HSPBP1: variants seen among roughly 807,000 people sequenced by gnomAD.
The protein encoded by HSPBP1 is hsp70-binding protein 1.
In HSPBP1, 31 loss-of-function variants were observed where a neutral mutation model predicts 41.7. That is an observed-to-expected ratio of 0.74 (90% CI 0.56 to 1.00). HSPBP1 has a LOEUF of 1.00. Among genes scored for constraint, HSPBP1 ranks in the 50% least tolerant of loss-of-function variants. The probability of loss-of-function intolerance (pLI) is 0.00; values close to 1 mark genes in which losing one functional copy is unlikely to be tolerated. For missense variants in HSPBP1, 439 were observed against 487.9 expected (o/e 0.90, Z 0.94); for synonymous variants, 199 against 214.4 (o/e 0.93, Z 0.63).
intron 4 of HSPBP1, among the ~76,000 whole-genome samples, chr19:55,271,845 G>A (rs1433788301): frequency 6.6e-6 from 1 of 152,102 alleles, no homozygotes; most frequent in Non-Finnish European, 1.5e-5. Context: ...ACCTGAGGTC[G>A]GGGGTTTGAG....
chr19:55,272,184 A>C lies in HSPBP1; in HGVS notation c.640+2214T>G, dbSNP rs10411896. On this transcript the variant is annotated intron_variant, in intron 4 of 7. Coordinates refer to ENST00000433386, the MANE Select transcript of HSPBP1 (RefSeq NM_012267.5). This position sits in a 1 kb window ranked among gnomAD's most constrained non-coding sequence, Gnocchi z 4.2. Reference sequence around the variant, plus strand: ...AGAGAACGGAAAACAAATGTCCATAAAAACACCTGCGCAGCTATGTCCACA... The same window carrying C: ...AGAGAACGGAAAACAAATGTCCATACAAACACCTGCGCAGCTATGTCCACA... Among the ~76,000 whole-genome samples, 52,624 of 152,076 alleles carry C rather than the reference A, an allele frequency of 0.35. 9,626 individuals carry two copies. The highest frequency in any genetic ancestry group is 0.44 in the African/African-American group (18,226 of 41,460).
rs548288876 is a variant in HSPBP1, at chr19:55,270,576, G to C, written c.640+3822C>G. On this transcript the variant is annotated intron_variant, in intron 4 of 7. Coordinates refer to ENST00000433386, the MANE Select transcript of HSPBP1 (RefSeq NM_012267.5). This position sits in a 1 kb window ranked among gnomAD's most constrained non-coding sequence, Gnocchi z 5.4. ...GGAAAGATAAGCTACTGTTGCTTAA[G>C]AAAAAAGGACAGAGGCAGGTCAAGG... 2.0e-5 allele frequency among the ~76,000 whole-genome samples: 3 copies of C among 152,216 alleles called. No homozygotes were observed. Among genetic ancestry groups the C allele is most frequent in the Admixed American group, 2.0e-4 (3 of 15,292 alleles).
At chr19:55,266,650 A>T (rs1460568480) in intron 4 of HSPBP1, among the ~76,000 whole-genome samples, 2 of 148,816 alleles carry the variant, frequency 1.3e-5, no homozygotes, top group African/African-American at 2.5e-5. Flanking sequence ...ATCGTCAATC[A>T]TCGTCACCAT....
At position 55,265,409 on chromosome 19, in the gene HSPBP1, G is replaced by T; in HGVS notation, c.894-20C>A. The T allele has an allele frequency of 6.3e-7, 1 of 1,596,532 alleles. No homozygotes were observed. ...ACCAGGCTGTGAGGGACATGACAGCGGCCCTTAGGACCTCCCTCTAGAGGC... is the reference window on the plus strand; with the variant it reads ...ACCAGGCTGTGAGGGACATGACAGCTGCCCTTAGGACCTCCCTCTAGAGGC... On this transcript the variant is annotated intron_variant, in intron 6 of 7. Transcript: ENST00000433386.
At chr19:55,271,916 G>A (rs543252432) in intron 4 of HSPBP1, among the ~76,000 whole-genome samples, 10 of 152,246 alleles carry the variant, frequency 6.6e-5, no homozygotes, top group African/African-American at 2.4e-4. Context: ...AAAAAAATTA[G>A]CTGGGCATGG....
In HSPBP1 at chr19:55,270,082, C is replaced by CCACA. The variant is rs368885156; in HGVS notation, c.641-3800_641-3797dup. Among the ~76,000 whole-genome samples, 3 of 152,244 alleles carry CCACA rather than the reference C, an allele frequency of 2.0e-5. No individual in the cohort carries two copies. Among genetic ancestry groups the CCACA allele is most frequent in the African/African-American group, 7.2e-5 (3 of 41,540 alleles). Reference sequence around the variant, plus strand: ...GAACTCCAGTAATGGTACTGGACAGCCACACAATGGCATACCCTGCAGCCA... The same window carrying CCACA: ...GAACTCCAGTAATGGTACTGGACAGCCACACACACAATGGCATACCCTGCAGCCA... On this transcript the variant is annotated intron_variant, in intron 4 of 7. Transcript: ENST00000433386. This position sits in a 1 kb window ranked among gnomAD's most constrained non-coding sequence, Gnocchi z 5.4.
At position 55,279,480 on chromosome 19, in the gene HSPBP1, G is replaced by A. The variant is rs771679129; in HGVS notation, c.129C>T (p.Arg43=). 1.9e-6 allele frequency: 3 copies of A among 1,606,784 alleles called. No homozygotes were observed. The African/African-American group carries it at 4.0e-5, about 22-fold the overall frequency. ...CCATCTGCAGCAAGCCTTGGAGGTT[G>A]CGTGGGGGCCGGGAATTGCCCGAGC... is the stretch of plus-strand genomic sequence containing the variant. The part of the protein sequence containing the change: ...AGGSGNSRPP[R]NLQGLLQMAI... The change falls in exon 2 of 8, where the codon CGC becomes CGT. Residue 43 remains arginine (R), a synonymous_variant. Coordinates refer to ENST00000433386, the MANE Select transcript of HSPBP1 (RefSeq NM_012267.5).
intron 7 of HSPBP1, among the ~76,000 whole-genome samples, 181 bp from the exon 8 acceptor site, chr19:55,262,863 G>A (rs1328047572): frequency 6.6e-6 from 1 of 152,156 alleles, no homozygotes; most frequent in Non-Finnish European, 1.5e-5. Context: ...TCACACTGGT[G>A]TCTGAACTAC....
At chr19:55,278,923 C>CCCCA (rs764250410) in intron 2 of HSPBP1, among the ~76,000 whole-genome samples, 272 of 90,550 alleles carry the variant, frequency 3.0e-3, no homozygotes, top group Middle Eastern at 7.9e-3. Flanking sequence ...CTGCCCCCAC[C>CCCCA]AAAAAAAAAA....
rs1469281980 is a variant in HSPBP1 at position 55,277,587 on chromosome 19, A to G, written c.415+55T>C. 6 of 1,529,132 alleles carry G rather than the reference A, an allele frequency of 3.9e-6. No homozygotes were observed. In the East Asian group the frequency reaches 1.4e-4, roughly 36 times the overall value. 94.7% of individuals were successfully genotyped at this position (1,529,132 alleles called of 1,614,324 possible). ...CCCAAGAGTAGGGGCAAGAGCTGAG[A>G]GGCAGCAGGACATGTACAGAGGGGC... On this transcript the variant is annotated intron_variant, in intron 3 of 7. Coordinates refer to ENST00000433386, the MANE Select transcript of HSPBP1 (RefSeq NM_012267.5).
Position 55,265,309 on chromosome 19 carries a change from C to G in HSPBP1, c.974G>C (p.Cys325Ser). Residue 325 changes from cysteine to serine, a missense_variant, in exon 7 of 8, where the codon TGT (cysteine) becomes TCT (serine). Coordinates refer to ENST00000433386, the MANE Select transcript of HSPBP1 (RefSeq NM_012267.5). ...LGLEELLRHR[C>S]QLLQQHEEYQ... is the part of the protein sequence containing the mutation. Reference sequence around the variant, plus strand: ...CTCCTCATGCTGCTGCAGCAGCTGACAGCGGTGGCGGAGGAGCTCCTCCAG... The same window carrying G: ...CTCCTCATGCTGCTGCAGCAGCTGAGAGCGGTGGCGGAGGAGCTCCTCCAG... 2 of 1,613,048 alleles carry G rather than the reference C, an allele frequency of 1.2e-6. No homozygotes were observed. The highest frequency in any genetic ancestry group is 1.7e-6 in the Non-Finnish European group (2 of 1,179,676).
intron 1 of HSPBP1, 124 bp from the exon 2 acceptor site, chr19:55,279,826 A>C (rs1444792063): frequency 1.1e-5 from 12 of 1,094,514 alleles, no homozygotes; most frequent in African/African-American, 1.6e-5. Flanking sequence ...CCTTCCCCAA[A>C]GTCATAAGCC....
rs914138059 is a variant in HSPBP1 at position 55,279,908 on chromosome 19, G to A, written c.-95+127C>T. Reference sequence around the variant, plus strand: ...AACCCCCCTTCCCCATCTCCACTGCGTGCGTCCCGTCTCTTAGCAACCTCA... The same window carrying A: ...AACCCCCCTTCCCCATCTCCACTGCATGCGTCCCGTCTCTTAGCAACCTCA... On this transcript the variant is annotated intron_variant, in intron 1 of 7. Coordinates refer to ENST00000433386, the MANE Select transcript of HSPBP1 (RefSeq NM_012267.5). 4 of 520,994 alleles carry A rather than the reference G, an allele frequency of 7.7e-6. No individual in the cohort carries two copies. The Admixed American group carries it at 1.3e-4, about 17-fold the overall frequency. 32.3% of individuals were successfully genotyped at this position (520,994 alleles called of 1,614,324 possible).
chr19:55,277,510 G>A lies in HSPBP1; in HGVS notation c.415+132C>T, dbSNP rs993674845. 2.0e-5 allele frequency: 18 copies of A among 901,220 alleles called. No individual in the cohort carries two copies. The Admixed American group carries it at 2.6e-4, about 13-fold the overall frequency. The allele number at this position is 901,220 out of a possible 1,614,324, so 55.8% of individuals were successfully genotyped here. On this transcript the variant is annotated intron_variant, in intron 3 of 7. Coordinates refer to ENST00000433386, the MANE Select transcript of HSPBP1 (RefSeq NM_012267.5). ...CAGAGCCTTGCTCCTTATGGCAATGGAGGCGAACAGGCTGATGGTGAGAAG... is the reference window on the plus strand; with the variant it reads ...CAGAGCCTTGCTCCTTATGGCAATGAAGGCGAACAGGCTGATGGTGAGAAG...
rs779932068 is a variant in HSPBP1 at position 55,270,004 on chromosome 19, G to A, written c.641-3718C>T. ...TCCTGGGAAGGGCAGTGGCACCACC[G>A]CCTCGGGCAGCAGGAGCTGAGGGGA... On this transcript the variant is annotated intron_variant, in intron 4 of 7. Transcript: ENST00000433386. The surrounding 1 kb of genome is among the most constrained non-coding windows in gnomAD (Gnocchi z 5.4). Among the ~76,000 whole-genome samples the A allele has an allele frequency of 3.3e-5, 5 of 152,112 alleles. No homozygotes were observed. The highest frequency in any genetic ancestry group is 7.2e-5 in the African/African-American group (3 of 41,416).
At chr19:55,277,348 T>G (rs2088100069) in intron 3 of HSPBP1, among the ~76,000 whole-genome samples, 1 of 152,172 alleles carries the variant, frequency 6.6e-6, no homozygotes. Context: ...GGGGAGGCCT[T>G]CTCTGCCACC....
rs1207085022 is a variant in HSPBP1 at position 55,266,094 on chromosome 19, G to T, written c.796+37C>A. ...CACCTGCACCCACCCCAGGGCGTCT[G>T]CTCCCCACTCCTGCCCTCACTCAAG... On this transcript the variant is annotated intron_variant, in intron 5 of 7. Transcript: ENST00000433386. 4 of 1,589,254 alleles carry T rather than the reference G, an allele frequency of 2.5e-6. No individual in the cohort carries two copies. In the South Asian group the frequency reaches 4.5e-5, roughly 18 times the overall value.
At position 55,270,912 on chromosome 19, in the gene HSPBP1, CCA is replaced by C. The variant is rs1055146401; in HGVS notation, c.640+3484_640+3485del. Among the ~76,000 whole-genome samples the C allele has an allele frequency of 1.3e-5, 2 of 150,726 alleles. No individual in the cohort carries two copies. Among genetic ancestry groups the C allele is most frequent in the South Asian group, 2.1e-4 (1 of 4,728 alleles). ...CACCACACACACCTCCACATATATA[CCA>C]CACACCACACAACCCATGTACACGC... On this transcript the variant is annotated intron_variant, in intron 4 of 7. Transcript: ENST00000433386. The surrounding 1 kb of genome is among the most constrained non-coding windows in gnomAD (Gnocchi z 5.4).
intron 2 of HSPBP1, among the ~76,000 whole-genome samples, chr19:55,278,923 CA>C (rs34254075): frequency 0.023 from 2,118 of 90,624 alleles, 35 homozygotes; most frequent in African/African-American, 0.082. Context: ...CTGCCCCCAC[CA>C]AAAAAAAAAA....
Sources: allele counts gnomAD v4.1 joint callset (sites outside exome capture counted in the v4.1 genomes callset), GRCh38; gene constraint gnomAD v4.1.1; non-coding constraint Gnocchi (gnomAD v3.1); transcripts MANE v1.5; gene names NCBI Gene and HGNC (gene_info 2026-07-23, HGNC 2026-07-21).